The following PTPRD variants were observed in gnomAD, a reference collection of about 807,000 sequenced individuals.
The protein encoded by PTPRD is protein tyrosine phosphatase receptor type D.
In PTPRD, 34 loss-of-function variants were observed where a neutral mutation model predicts 214.5. That is an observed-to-expected ratio of 0.16 (90% CI 0.12 to 0.21). The LOEUF (loss-of-function observed/expected upper bound fraction) is 0.21, where lower values mean the gene tolerates loss of function less well. Ranked by LOEUF, PTPRD falls within the 10% of genes least tolerant of loss-of-function variation. PTPRD has a pLI of 1.00. For synonymous variants in PTPRD, 1,128 were observed against 845.7 expected (o/e 1.33, Z -5.79); for missense variants, 2,545 against 2,398.7 (o/e 1.06, Z -1.27).
intron 9 of PTPRD, among the ~76,000 whole-genome samples, chr9:9,300,886 G>T (rs984682592): frequency 6.6e-6 from 1 of 151,670 alleles, no homozygotes; most frequent in African/African-American, 2.4e-5. Flanking sequence ...AATCTTTTAC[G>T]CATATTGTTA....
intron 4 of PTPRD, among the ~76,000 whole-genome samples, chr9:9,989,224 G>C (rs1452681969): frequency 6.6e-6 from 1 of 151,930 alleles, no homozygotes; most frequent in East Asian, 1.9e-4. Flanking sequence ...AGTGGATGTG[G>C]GTCCCTGGCG....
chr9:9,186,737 A>G (rs1347359487), intron 9 of PTPRD, among the ~76,000 whole-genome samples: 1 of 151,822 alleles, frequency 6.6e-6, no homozygotes, highest in South Asian at 2.1e-4. Context: ...GAAGGCTCCA[A>G]TTCACTTTGG....
At chr9:10,546,026 T>A (rs1328466570) in intron 2 of PTPRD, among the ~76,000 whole-genome samples, 1 of 152,026 alleles carries the variant, frequency 6.6e-6, no homozygotes, top group Non-Finnish European at 1.5e-5. Context: ...TTTAAAACCC[T>A]GAATATTTTC....
intron 5 of PTPRD, among the ~76,000 whole-genome samples, chr9:9,824,930 T>C (rs1274999103): frequency 6.6e-6 from 1 of 152,062 alleles, no homozygotes; most frequent in Non-Finnish European, 1.5e-5. Flanking sequence ...AAGTGGGCTC[T>C]GGTACCAGAT....
At chr9:9,363,032 T>A (rs1006352569) in intron 9 of PTPRD, among the ~76,000 whole-genome samples, 2 of 151,204 alleles carry the variant, frequency 1.3e-5, no homozygotes, top group African/African-American at 4.8e-5. Context: ...TCTCCCAGTT[T>A]ATTACCCTTT....
chr9:10,473,804 G>T (rs757771583), intron 2 of PTPRD, among the ~76,000 whole-genome samples: 14 of 151,912 alleles, frequency 9.2e-5, no homozygotes, highest in Admixed American at 2.0e-4. Flanking sequence ...AAACATTCTT[G>T]GATCATTATA....
Position 9,787,374 on chromosome 9 carries a change from T to C in PTPRD, c.-367-20523A>G, listed in dbSNP as rs1022844298. Among the ~76,000 whole-genome samples, 12 of 151,030 alleles carry C rather than the reference T, an allele frequency of 7.9e-5. No individual in the cohort carries two copies. In the East Asian group the frequency reaches 2.1e-3, roughly 27 times the overall value. On this transcript the variant is annotated intron_variant, in intron 5 of 45. Coordinates refer to ENST00000381196, the MANE Select transcript of PTPRD (RefSeq NM_002839.4). ...ATGATATATGATGACATATAACGCATTGACAAATATGTATCAAGATTCAGG... is the reference window on the plus strand; with the variant it reads ...ATGATATATGATGACATATAACGCACTGACAAATATGTATCAAGATTCAGG...
intron 11 of PTPRD, among the ~76,000 whole-genome samples, chr9:8,907,439 A>T (rs2098715397): frequency 6.7e-6 from 1 of 149,660 alleles, no homozygotes. Context: ...AATGATGTGA[A>T]CCTGGGAGGC....
At chr9:10,067,986 G>A (rs560692082) in intron 3 of PTPRD, among the ~76,000 whole-genome samples, 113 of 151,984 alleles carry the variant, frequency 7.4e-4, no homozygotes, top group African/African-American at 2.2e-3. Context: ...TGACTCCAGC[G>A]CCACACTGAA....
chr9:9,149,985 C>CATTTTACAAACACAAGTGACAAT (rs2099875263), intron 10 of PTPRD, among the ~76,000 whole-genome samples: 3 of 152,164 alleles, frequency 2.0e-5, no homozygotes, highest in Non-Finnish European at 2.9e-5. Flanking sequence ...CATGAAGACC[C>CATTTTACAAACACAAGTGACAAT]ATTTTACAAA....
At chr9:8,689,417 A>T (rs1478515244) in intron 12 of PTPRD, among the ~76,000 whole-genome samples, 1 of 152,202 alleles carries the variant, frequency 6.6e-6, no homozygotes, top group South Asian at 2.1e-4. Flanking sequence ...AAGACTGGGA[A>T]GAAAAAGAGG....
At chr9:8,456,472 T>C (rs1047694357) in intron 33 of PTPRD, among the ~76,000 whole-genome samples, 1 of 152,038 alleles carries the variant, frequency 6.6e-6, no homozygotes, top group African/African-American at 2.4e-5. Flanking sequence ...GGAAAGGCAT[T>C]CCTAACCTAG....
intron 3 of PTPRD, among the ~76,000 whole-genome samples, chr9:10,232,163 C>T (rs553378516): frequency 1.3e-5 from 2 of 151,928 alleles, no homozygotes; most frequent in Admixed American, 1.3e-4. Flanking sequence ...GAGGAGATGA[C>T]AGTGCCATGC....
intron 12 of PTPRD, among the ~76,000 whole-genome samples, chr9:8,698,083 C>G (rs2097966350): frequency 6.6e-6 from 1 of 152,106 alleles, no homozygotes; most frequent in Non-Finnish European, 1.5e-5. Flanking sequence ...TTATTTTATA[C>G]AAACATAAAG....
At chr9:9,515,157 G>A (rs1377593436) in intron 8 of PTPRD, among the ~76,000 whole-genome samples, 3 of 152,172 alleles carry the variant, frequency 2.0e-5, no homozygotes, top group Middle Eastern at 3.4e-3. Context: ...GTTATTGACC[G>A]TGGTGGAGGT....
intron 14 of PTPRD, among the ~76,000 whole-genome samples, chr9:8,532,463 A>G (rs2075961141): frequency 6.6e-6 from 1 of 152,070 alleles, no homozygotes; most frequent in East Asian, 1.9e-4. Flanking sequence ...GAATCAAATC[A>G]ATATCCTTAA....
intron 9 of PTPRD, among the ~76,000 whole-genome samples, chr9:9,392,223 G>C (rs1199425952): frequency 6.6e-6 from 1 of 152,178 alleles, no homozygotes; most frequent in Non-Finnish European, 1.5e-5. Context: ...GATGACCGCA[G>C]TGTAAAGCTC....
chr9:10,178,765 C>A (rs1198320032), intron 3 of PTPRD, among the ~76,000 whole-genome samples: 1 of 151,890 alleles, frequency 6.6e-6, no homozygotes, highest in Non-Finnish European at 1.5e-5. Flanking sequence ...GGATGTTTAG[C>A]AACATCCTGG....
intron 11 of PTPRD, among the ~76,000 whole-genome samples, chr9:8,910,398 T>G (rs991050384): frequency 6.6e-6 from 1 of 152,050 alleles, no homozygotes; most frequent in Non-Finnish European, 1.5e-5. Flanking sequence ...AAGAGGTGAT[T>G]GGGTCATGAA....
Sources: gnomAD v4.1 joint callset for allele counts (sites outside exome capture counted in the v4.1 genomes callset) on GRCh38, gnomAD v4.1.1 for gene constraint, MANE v1.5 for transcripts, NCBI Gene and HGNC (gene_info 2026-07-23, HGNC 2026-07-21) for gene names.